The following HMGCLL1 variants were observed in gnomAD, a reference collection of about 807,000 sequenced individuals.
HMGCLL1 encodes the protein 3-hydroxymethyl-3-methylglutaryl-CoA lyase, cytoplasmic.
HMGCLL1 carries 36 observed loss-of-function variants against 39.1 expected under a neutral mutation model. The observed-to-expected ratio is 0.92, with a 90% CI of 0.71 to 1.22. The LOEUF (loss-of-function observed/expected upper bound fraction) is 1.22, where lower values mean the gene tolerates loss of function less well. Ranked by LOEUF, HMGCLL1 falls within the 50% of genes most tolerant of loss-of-function variation. The probability of loss-of-function intolerance (pLI) is 0.00; values close to 1 mark genes in which losing one functional copy is unlikely to be tolerated. For missense variants in HMGCLL1, 451 were observed against 416.5 expected, an observed-to-expected ratio of 1.08 and a Z score of -0.72; for synonymous variants, 149 against 144.0, an observed-to-expected ratio of 1.03 and a Z score of -0.25.
At chr6:55,548,161 AAGGTATCTGCTT>A (rs1770103479) in intron 1 of HMGCLL1, among the ~76,000 whole-genome samples, 2 of 152,088 alleles carry the variant, frequency 1.3e-5, no homozygotes, top group African/African-American at 4.8e-5. Context: ...AAAGTAAAGG[AAGGTATCTGCTT>A]ACTTTTTAGC....
At chr6:55,457,727 T>C (rs532541448) in intron 7 of HMGCLL1, among the ~76,000 whole-genome samples, 96 of 152,312 alleles carry the variant, frequency 6.3e-4, no homozygotes, top group African/African-American at 2.2e-3. Context: ...TTCTTTCAAG[T>C]CGGCTATATC....
chr6:55,612,687 A>T, the HMGCLL1 span, among the ~76,000 whole-genome samples: 1 of 152,210 alleles, frequency 6.6e-6, no homozygotes. Flanking sequence ...CCTGACAAAA[A>T]CAAGCAATGG....
Position 55,554,246 on chromosome 6 carries a change from C to T in HMGCLL1, c.109-12106G>A, listed in dbSNP as rs12197779. Among the ~76,000 whole-genome samples, 1,067 of 152,188 alleles carry T rather than the reference C, an allele frequency of 7.0e-3. 5 individuals are homozygous for T. The highest frequency in any genetic ancestry group is 0.01 in the Non-Finnish European group (712 of 68,012). On this transcript the variant is annotated intron_variant, in intron 1 of 8. Coordinates refer to ENST00000274901, the MANE Select transcript of HMGCLL1 (RefSeq NM_001042406.2). ...ATCATATGCTTAGAGGCAAGAGTAT[C>T]AAAAAAGTCCTATCTTCTTCACAAG...
rs369971928 is a variant in HMGCLL1 at position 55,571,649 on chromosome 6, C to CAA, written c.108+7297_108+7298dup. 3.5e-4 allele frequency among the ~76,000 whole-genome samples: 52 copies of CAA among 147,728 alleles called. 1 individual carries two copies. The highest frequency in any genetic ancestry group is 1.1e-3 in the African/African-American group (46 of 40,394). On this transcript the variant is annotated intron_variant, in intron 1 of 8. Transcript: ENST00000274901. ...TGAAACCCCATCTCTACTAAAAATA[C>CAA]AAAAAAAAAATTAGCCGGGCACAGT...
the HMGCLL1 span, among the ~76,000 whole-genome samples, chr6:55,628,121 A>T: frequency 2.9e-3 from 2 of 680 alleles, no homozygotes; most frequent in African/African-American, 8.2e-3. Flanking sequence ...TAATATATAA[A>T]ATAAATATAT....
At chr6:55,446,258 T>A (rs1244229966) in intron 7 of HMGCLL1, among the ~76,000 whole-genome samples, 1 of 148,430 alleles carries the variant, frequency 6.7e-6, no homozygotes, top group Non-Finnish European at 1.5e-5. Flanking sequence ...ATAACATATA[T>A]AACATGTATA....
chr6:55,467,315 A>T (rs572868914), intron 7 of HMGCLL1, among the ~76,000 whole-genome samples: 1 of 152,208 alleles, frequency 6.6e-6, no homozygotes, highest in Admixed American at 6.6e-5. Flanking sequence ...TTCTATGTGA[A>T]TATTTTCATG....
intron 1 of HMGCLL1, among the ~76,000 whole-genome samples, chr6:55,563,057 G>C (rs1771031098): frequency 6.6e-6 from 1 of 151,806 alleles, no homozygotes; most frequent in Admixed American, 6.6e-5. Flanking sequence ...AATATATTTG[G>C]ATATGGATAG....
intron 3 of HMGCLL1, among the ~76,000 whole-genome samples, chr6:55,539,999 AGGGAGGGAGGG>A (rs1561947129): frequency 9.2e-3 from 60 of 6,512 alleles, no homozygotes; most frequent in African/African-American, 0.028. Flanking sequence ...GAAGGAAGGG[AGGGAGGGAGGG>A]AGGGAGGGAG....
intron 7 of HMGCLL1, among the ~76,000 whole-genome samples, chr6:55,468,313 T>G (rs1764880216): frequency 6.6e-6 from 1 of 152,012 alleles, no homozygotes; most frequent in South Asian, 2.1e-4. Context: ...CATAAAGTTA[T>G]AGAACAACCA....
rs115617403 is a variant in HMGCLL1 at position 55,486,400 on chromosome 6, T to A, written c.795+9019A>T. 2.4e-3 allele frequency among the ~76,000 whole-genome samples: 371 copies of A among 152,142 alleles called. 1 individual carries two copies. The highest frequency in any genetic ancestry group is 8.5e-3 in the African/African-American group (355 of 41,530). The stretch of plus-strand genomic sequence containing the variant: ...CCAGAAGTCTACTTGCCCAAGAGGC[T>A]GAGATACATCTAAAAATTATTCCCA... On this transcript the variant is annotated intron_variant, in intron 7 of 8. Coordinates refer to ENST00000274901, the MANE Select transcript of HMGCLL1 (RefSeq NM_001042406.2).
chr6:55,548,042 T>G (rs949136136), intron 1 of HMGCLL1, among the ~76,000 whole-genome samples: 1 of 152,006 alleles, frequency 6.6e-6, no homozygotes, highest in Non-Finnish European at 1.5e-5. Context: ...ACAGGCAATC[T>G]TTGGCAGTTT....
chr6:55,520,878 CAAA>C (rs34841260), intron 3 of HMGCLL1, among the ~76,000 whole-genome samples: 4 of 147,010 alleles, frequency 2.7e-5, no homozygotes, highest in Admixed American at 1.4e-4. Flanking sequence ...TATCTCTAGC[CAAA>C]AAAAAAAAAT....
chr6:55,521,139 G>C (rs1238516919), intron 3 of HMGCLL1, among the ~76,000 whole-genome samples: 1 of 152,034 alleles, frequency 6.6e-6, no homozygotes, highest in Non-Finnish European at 1.5e-5. Context: ...ACTATAATGT[G>C]TTCCAAATAT....
At chr6:55,624,636 A>C in the HMGCLL1 span, among the ~76,000 whole-genome samples, 1 of 152,184 alleles carries the variant, frequency 6.6e-6, no homozygotes, top group African/African-American at 2.4e-5. Flanking sequence ...AGAAGTAGCA[A>C]ACACACTGGA....
intron 1 of HMGCLL1, among the ~76,000 whole-genome samples, chr6:55,574,896 T>C (rs1771688421): frequency 6.6e-6 from 1 of 152,046 alleles, no homozygotes; most frequent in Admixed American, 6.5e-5. Context: ...CAGAATCGAA[T>C]GTAAAATAAC....
chr6:55,487,117 C>A (rs1766071748), intron 7 of HMGCLL1, among the ~76,000 whole-genome samples: 1 of 151,448 alleles, frequency 6.6e-6, no homozygotes, highest in Non-Finnish European at 1.5e-5. Flanking sequence ...ACCATAGCAC[C>A]CCTCATCATT....
At chr6:55,631,930 G>A in the HMGCLL1 span, among the ~76,000 whole-genome samples, 1 of 152,164 alleles carries the variant, frequency 6.6e-6, no homozygotes, top group Admixed American at 6.6e-5. Flanking sequence ...TTAAGGAAGG[G>A]TATTCTATGG....
intron 8 of HMGCLL1, among the ~76,000 whole-genome samples, chr6:55,435,968 A>G (rs1763354082): frequency 2.0e-5 from 3 of 152,054 alleles, no homozygotes; most frequent in South Asian, 4.1e-4. Context: ...TTATTACAGC[A>G]TATCTTTAAT....
Sources: allele counts gnomAD v4.1 joint callset (sites outside exome capture counted in the v4.1 genomes callset), GRCh38; gene constraint gnomAD v4.1.1; transcripts MANE v1.5; gene names NCBI Gene and HGNC (gene_info 2026-07-23, HGNC 2026-07-21).